KAZN: variants seen among roughly 807,000 people sequenced by gnomAD.
The protein encoded by KAZN is kazrin.
KAZN carries 40 observed loss-of-function variants against 87.4 expected under a neutral mutation model. That is an observed-to-expected ratio of 0.46 (90% CI 0.36 to 0.60). The LOEUF is 0.60. Among genes scored for constraint, KAZN ranks in the 20% least tolerant of loss-of-function variants. The pLI is 0.00. For synonymous variants in KAZN, 466 were observed against 458.3 expected (o/e 1.02, Z -0.22); for missense variants, 898 against 1,073.9 (o/e 0.84, Z 2.29).
At chr1:14,921,642 T>C (rs1206245078) in intron 1 of KAZN, among the ~76,000 whole-genome samples, 1 of 152,244 alleles carries the variant, frequency 6.6e-6, no homozygotes, top group African/African-American at 2.4e-5. Context: ...TGATACCAAA[T>C]CCAAGTGACA....
At chr1:14,451,194 T>C (rs1378836220) in intron 2 of KAZN, among the ~76,000 whole-genome samples, 1 of 152,102 alleles carries the variant, frequency 6.6e-6, no homozygotes, top group Non-Finnish European at 1.5e-5. Flanking sequence ...CCTTTCTTTA[T>C]AGTAATGCAA....
intron 1 of KAZN, among the ~76,000 whole-genome samples, chr1:14,145,528 G>C (rs891964708): frequency 3.3e-5 from 5 of 151,616 alleles, no homozygotes; most frequent in African/African-American, 1.2e-4. Context: ...AAAAATATTT[G>C]TCTATAAACA....
chr1:14,206,275 TA>T (rs1646743032), intron 2 of KAZN, among the ~76,000 whole-genome samples: 1 of 152,214 alleles, frequency 6.6e-6, no homozygotes, highest in Non-Finnish European at 1.5e-5. Flanking sequence ...TCTGATTTTT[TA>T]AAAAAGAAAT....
chr1:13,982,162 C>G (rs908571557), intron 1 of KAZN, among the ~76,000 whole-genome samples: 1 of 152,186 alleles, frequency 6.6e-6, no homozygotes, highest in Non-Finnish European at 1.5e-5. Flanking sequence ...GAAGGACATC[C>G]TGGGCTCTGC....
At chr1:14,871,380 T>C (rs996761496) in intron 1 of KAZN, among the ~76,000 whole-genome samples, 1 of 152,032 alleles carries the variant, frequency 6.6e-6, no homozygotes, top group African/African-American at 2.4e-5. Context: ...TCCTTTTGCA[T>C]ACAAATTGCC....
intron 11 of KAZN, 141 bp downstream of exon 11, chr1:15,101,915 T>C (rs553010233): frequency 6.1e-6 from 4 of 657,450 alleles, no homozygotes; most frequent in African/African-American, 5.3e-5. Flanking sequence ...CATCCATTTA[T>C]TGATCATCCG....
chr1:14,302,697 A>G (rs1654636177), intron 2 of KAZN, among the ~76,000 whole-genome samples: 1 of 152,162 alleles, frequency 6.6e-6, no homozygotes, highest in Admixed American at 6.5e-5. Flanking sequence ...TATTTTCAAA[A>G]CAGTCTATGA....
At chr1:14,206,829 GA>G (rs928919791) in intron 2 of KAZN, among the ~76,000 whole-genome samples, 11 of 151,472 alleles carry the variant, frequency 7.3e-5, no homozygotes, top group Non-Finnish European at 1.6e-4. Context: ...TGCCTGCATT[GA>G]ATCAGCCATT....
At chr1:14,976,364 C>G (rs561227030) in intron 2 of KAZN, among the ~76,000 whole-genome samples, 1 of 152,248 alleles carries the variant, frequency 6.6e-6, no homozygotes, top group East Asian at 1.9e-4. Context: ...CACTCTTGCC[C>G]CGGCCACAAG....
At chr1:14,648,999 A>C (rs1407147668) in intron 1 of KAZN, among the ~76,000 whole-genome samples, 2 of 152,226 alleles carry the variant, frequency 1.3e-5, no homozygotes, top group Admixed American at 1.3e-4. Context: ...AGCTCTGTCC[A>C]CATATTTGGA....
chr1:14,952,280 C>G (rs1379152345), intron 1 of KAZN, among the ~76,000 whole-genome samples: 4 of 109,358 alleles, frequency 3.7e-5, no homozygotes, highest in Non-Finnish European at 5.5e-5. Context: ...GTGTGTGTCT[C>G]AAGCAAACAC....
intron 2 of KAZN, among the ~76,000 whole-genome samples, chr1:14,572,004 A>G (rs1446656569): frequency 6.6e-6 from 1 of 152,176 alleles, no homozygotes; most frequent in Non-Finnish European, 1.5e-5. Context: ...AAGCCCCGCT[A>G]GGGTAACAGG....
At chr1:14,499,929 G>A (rs1240165611) in intron 2 of KAZN, among the ~76,000 whole-genome samples, 2 of 152,122 alleles carry the variant, frequency 1.3e-5, no homozygotes, top group African/African-American at 4.8e-5. Context: ...AGTAGCAGAG[G>A]CCCACCACGC....
intron 8 of KAZN, among the ~76,000 whole-genome samples, chr1:15,078,885 C>T (rs550055036): frequency 2.0e-5 from 3 of 152,300 alleles, no homozygotes; most frequent in South Asian, 2.1e-4. Context: ...CTCATCAAAG[C>T]TGTCTTCGTT....
At chr1:14,411,208 A>C (rs1333836788) in intron 2 of KAZN, among the ~76,000 whole-genome samples, 1 of 152,230 alleles carries the variant, frequency 6.6e-6, no homozygotes, top group Non-Finnish European at 1.5e-5. Context: ...TGTAGCCCAG[A>C]AGACAATGGA....
At chr1:14,132,240 C>A (rs1645006697) in intron 1 of KAZN, among the ~76,000 whole-genome samples, 1 of 152,110 alleles carries the variant, frequency 6.6e-6, no homozygotes, top group East Asian at 1.9e-4. Context: ...GGCATTTGCT[C>A]CCTTCCACCT....
intron 2 of KAZN, among the ~76,000 whole-genome samples, chr1:14,250,664 AT>A (rs917379135): frequency 4.0e-5 from 6 of 151,898 alleles, no homozygotes; most frequent in African/African-American, 1.4e-4. Context: ...CTTTAGTTGT[AT>A]TATTTGAGTA....
At chr1:14,924,552 A>G in intron 1 of KAZN, 13 of 1,009,580 alleles carry the variant, frequency 1.3e-5, no homozygotes, top group Non-Finnish European at 1.5e-5. Context: ...GTCCGAGCGG[A>G]TGGCGACTGC....
At chr1:14,051,048 G>A (rs1030478343) in intron 1 of KAZN, among the ~76,000 whole-genome samples, 2 of 152,022 alleles carry the variant, frequency 1.3e-5, no homozygotes, top group African/African-American at 2.4e-5. Context: ...CAGCAAAACT[G>A]AACTCAACTC....
Sources: allele counts gnomAD v4.1 joint callset (sites outside exome capture counted in the v4.1 genomes callset), GRCh38; gene constraint gnomAD v4.1.1; transcripts MANE v1.5; gene names NCBI Gene and HGNC (gene_info 2026-07-23, HGNC 2026-07-21).